The following DIAPH1 variants were observed in gnomAD, a reference collection of about 807,000 sequenced individuals.
The protein encoded by DIAPH1 is protein diaphanous homolog 1.
DIAPH1 carries 46 observed loss-of-function variants against 140.7 expected under a neutral mutation model. The ratio of observed to expected loss-of-function variants is 0.33; its 90% CI spans 0.26 to 0.42. DIAPH1 has a LOEUF of 0.42. Among genes scored for constraint, DIAPH1 ranks in the 10% least tolerant of loss-of-function variants. The probability of loss-of-function intolerance (pLI) is 1.00; values close to 1 mark genes in which losing one functional copy is unlikely to be tolerated. For missense variants in DIAPH1, 1,310 were observed against 1,558.7 expected, an observed-to-expected ratio of 0.84 and a Z score of 2.69; for synonymous variants, 565 against 551.6, an observed-to-expected ratio of 1.02 and a Z score of -0.34.
At chr5:141,559,063 A>G (rs1316213991) in intron 18 of DIAPH1, among the ~76,000 whole-genome samples, 1 of 152,220 alleles carries the variant, frequency 6.6e-6, no homozygotes, top group Non-Finnish European at 1.5e-5. Context: ...TGTGAGGGTA[A>G]CATAGCTATG....
chr5:141,536,575 A>G lies in DIAPH1; in HGVS notation c.2483-2142T>C, dbSNP rs545325003. ...CTGCTGTGAAAAGAAAAACAGGGAA[A>G]AGGATGGGGGATTTGATGACGGGGG... On this transcript the variant is annotated intron_variant, in intron 18 of 27. Transcript: ENST00000389054. Among the ~76,000 whole-genome samples, 6 of 152,078 alleles carry G rather than the reference A, an allele frequency of 3.9e-5. No homozygotes were observed. The East Asian group carries it at 1.2e-3, about 29-fold the overall frequency.
intron 14 of DIAPH1, among the ~76,000 whole-genome samples, 183 bp from the exon 15 acceptor site, chr5:141,575,329 A>G (rs879431363): frequency 5.9e-5 from 9 of 152,052 alleles, no homozygotes; most frequent in Non-Finnish European, 1.2e-4. Context: ...TGCTCGGGGG[A>G]AAAAAGCACC....
At chr5:141,535,723 C>T (rs1029810492) in intron 18 of DIAPH1, among the ~76,000 whole-genome samples, 10 of 152,160 alleles carry the variant, frequency 6.6e-5, no homozygotes, top group Non-Finnish European at 1.5e-4. Context: ...CTATTCTGGA[C>T]AGATATAATT....
chr5:141,596,922 A>G (rs2099899410), intron 1 of DIAPH1, among the ~76,000 whole-genome samples: 1 of 152,228 alleles, frequency 6.6e-6, no homozygotes, highest in Non-Finnish European at 1.5e-5. Context: ...TGTTCTAAAA[A>G]TCATTAATAT....
chr5:141,573,595 G>T lies in DIAPH1; in HGVS notation c.2255C>A (p.Pro752Gln). 6.2e-7 allele frequency: 1 copy of T among 1,614,052 alleles called. No individual in the cohort carries two copies. Among genetic ancestry groups the T allele is most frequent in the Middle Eastern group, 1.7e-4 (1 of 6,056 alleles). ...PPGMGMPPPP[P>Q]FGFGVPAAPV... ...GGCTGCAGGAACTCCAAATCCAAAT[G>T]GGGGAGGTGGAGGCATACCCATTCC... Residue 752 changes from proline to glutamine, a missense_variant, in exon 16 of 28, where the codon CCA (proline) becomes CAA (glutamine). Physicochemically the swap from Pro to Gln is moderately conservative, Grantham distance 76. Coordinates refer to ENST00000389054, the MANE Select transcript of DIAPH1 (RefSeq NM_005219.5).
At chr5:141,576,512 G>A (rs1468536507) in intron 13 of DIAPH1, among the ~76,000 whole-genome samples, 6 of 152,204 alleles carry the variant, frequency 3.9e-5, no homozygotes, top group Admixed American at 3.9e-4. Context: ...GCCTATGAGT[G>A]ATATTTTTGA....
intron 18 of DIAPH1, among the ~76,000 whole-genome samples, chr5:141,567,066 G>T (rs2099894492): frequency 6.6e-6 from 1 of 152,190 alleles, no homozygotes; most frequent in Admixed American, 6.5e-5. Flanking sequence ...GCTTAGGTGG[G>T]ATGGGAGGAG....
Position 141,587,153 on chromosome 5 carries a change from C to A in DIAPH1, c.189G>T (p.Lys63Asn). The A allele has an allele frequency of 6.2e-7, 1 of 1,614,152 alleles. No individual in the cohort carries two copies. The highest frequency in any genetic ancestry group is 8.5e-7 in the Non-Finnish European group (1 of 1,180,002). ...TSMRIKKEKE[K>N]PNSAHRNSSA... ...AAGAATTTCTATGAGCAGAATTGGG[C>A]TTTTCCTTCTCCTTCTTAATTCTCA... Residue 63 changes from lysine to asparagine, a missense_variant, in exon 3 of 28, where the codon AAG becomes AAT. Around this residue, in one of 3 missense-constraint regions of DIAPH1, gnomAD observed 377 missense variants for 497.1 expected, o/e 0.76. Coordinates refer to ENST00000389054, the MANE Select transcript of DIAPH1 (RefSeq NM_005219.5).
intron 18 of DIAPH1, among the ~76,000 whole-genome samples, chr5:141,562,413 G>GT (rs1286823287): frequency 6.6e-6 from 1 of 152,008 alleles, no homozygotes; most frequent in Non-Finnish European, 1.5e-5. Flanking sequence ...CCTTGTTTTG[G>GT]TAAGAGGAAG....
intron 18 of DIAPH1, among the ~76,000 whole-genome samples, chr5:141,553,345 C>CA (rs1192723328): frequency 6.6e-6 from 1 of 150,638 alleles, no homozygotes; most frequent in Non-Finnish European, 1.5e-5. Flanking sequence ...ATAATTTAAA[C>CA]AAAAACAGTC....
At chr5:141,616,502 TATCAAAAGCAC>T (rs2099902699) in intron 1 of DIAPH1, among the ~76,000 whole-genome samples, 1 of 152,076 alleles carries the variant, frequency 6.6e-6, no homozygotes, top group Admixed American at 6.5e-5. Flanking sequence ...AAGCCACGGG[TATCAAAAGCAC>T]ACCAGCAATC....
chr5:141,605,720 C>A (rs1448695998), intron 1 of DIAPH1, among the ~76,000 whole-genome samples: 2 of 152,192 alleles, frequency 1.3e-5, no homozygotes, highest in African/African-American at 4.8e-5. Flanking sequence ...TGGGTCAGAT[C>A]ATTTCTAGGG....
intron 18 of DIAPH1, among the ~76,000 whole-genome samples, chr5:141,570,172 G>C (rs1596375417): frequency 6.6e-6 from 1 of 152,220 alleles, no homozygotes; most frequent in African/African-American, 2.4e-5. Context: ...GGGGAGAAAA[G>C]GGGCCCAGTC....
At chr5:141,595,773 G>C (rs1324018957) in intron 1 of DIAPH1, among the ~76,000 whole-genome samples, 1 of 152,142 alleles carries the variant, frequency 6.6e-6, no homozygotes, top group Middle Eastern at 3.2e-3. Flanking sequence ...TCATAGCAGT[G>C]TGAGAACGGA....
At chr5:141,552,819 G>A (rs2099891936) in intron 18 of DIAPH1, among the ~76,000 whole-genome samples, 2 of 152,126 alleles carry the variant, frequency 1.3e-5, no homozygotes, top group African/African-American at 4.8e-5. Context: ...CAGCAAGAAG[G>A]CAACCATCTG....
At chr5:141,552,759 CAA>C (rs1174808553) in intron 18 of DIAPH1, among the ~76,000 whole-genome samples, 1 of 152,008 alleles carries the variant, frequency 6.6e-6, no homozygotes, top group African/African-American at 2.4e-5. Context: ...TCTGGACACA[CAA>C]AGAGACACAA....
intron 18 of DIAPH1, among the ~76,000 whole-genome samples, chr5:141,554,739 G>C (rs1351840496): frequency 1.3e-5 from 2 of 152,082 alleles, no homozygotes; most frequent in African/African-American, 4.8e-5. Context: ...TGCAAAATCG[G>C]TGTAACAGAA....
chr5:141,552,624 T>A (rs944307158), intron 18 of DIAPH1, among the ~76,000 whole-genome samples: 1 of 152,198 alleles, frequency 6.6e-6, no homozygotes, highest in Non-Finnish European at 1.5e-5. Flanking sequence ...AGATAATACG[T>A]TTGCATTGTT....
chr5:141,543,809 A>G (rs1416763976), intron 18 of DIAPH1, among the ~76,000 whole-genome samples: 3 of 152,244 alleles, frequency 2.0e-5, no homozygotes, highest in Non-Finnish European at 2.9e-5. Context: ...ATGGGATTGT[A>G]TACTTTAAAG....
Sources: allele counts gnomAD v4.1 joint callset (sites outside exome capture counted in the v4.1 genomes callset), GRCh38; gene constraint gnomAD v4.1.1; regional missense constraint gnomAD v4.1.1; transcripts MANE v1.5; gene names NCBI Gene and HGNC (gene_info 2026-07-23, HGNC 2026-07-21).